The following MDGA1 variants were observed in gnomAD, a reference collection of about 807,000 sequenced individuals.
MDGA1 encodes the protein MAM domain-containing glycosylphosphatidylinositol anchor protein 1.
In MDGA1, 54 loss-of-function variants were observed where a neutral mutation model predicts 101.5. The observed-to-expected ratio is 0.53, with a 90% CI of 0.43 to 0.67. The LOEUF is 0.67. MDGA1 is among the 30% of genes least tolerant of loss of function. The pLI is 0.00. For missense variants in MDGA1, 1,083 were observed against 1,323.8 expected, an observed-to-expected ratio of 0.82 and a Z score of 2.82; for synonymous variants, 533 against 558.3, an observed-to-expected ratio of 0.95 and a Z score of 0.64.
chr6:37,645,205 G>T (rs1761162233), intron 12 of MDGA1, among the ~76,000 whole-genome samples: 1 of 152,166 alleles, frequency 6.6e-6, no homozygotes, highest in African/African-American at 2.4e-5. Flanking sequence ...TCATTGAAGG[G>T]GATGTTAAAT....
At chr6:37,685,846 G>GACCCCC (rs1762186059) in intron 1 of MDGA1, among the ~76,000 whole-genome samples, 3 of 152,222 alleles carry the variant, frequency 2.0e-5, no homozygotes, top group South Asian at 4.2e-4. Context: ...GAGCAGCCAG[G>GACCCCC]ACCCCCACCC....
At chr6:37,683,345 C>T (rs970242790) in intron 1 of MDGA1, among the ~76,000 whole-genome samples, 1 of 152,180 alleles carries the variant, frequency 6.6e-6, no homozygotes, top group Non-Finnish European at 1.5e-5. Context: ...GTACATGCAG[C>T]CCTGAACATG....
In MDGA1 at chr6:37,633,541, G is replaced by A. The variant is rs993682784; in HGVS notation, c.*3827C>T. The A allele has an allele frequency of 2.0e-5, 3 of 152,374 alleles. No individual in the cohort carries two copies. Among genetic ancestry groups the A allele is most frequent in the Non-Finnish European group, 4.4e-5 (3 of 68,140 alleles). The allele number at this position is 152,374 out of a possible 1,614,324, so 9.4% of individuals were successfully genotyped here. A position where few individuals can be genotyped will look rare whatever the true frequency, so the allele number is the denominator to read the frequency against. ...TCTTGTGAAGTCACAGGGGAGAGGA[G>A]GGGAAACAGGGTCTCTTCTGTCTGG... On this transcript the variant is annotated 3_prime_UTR_variant, in exon 17 of 17. Coordinates refer to ENST00000434837, the MANE Select transcript of MDGA1 (RefSeq NM_153487.4).
intron 2 of MDGA1, among the ~76,000 whole-genome samples, chr6:37,663,733 G>A (rs550896538): frequency 3.3e-5 from 5 of 152,290 alleles, no homozygotes; most frequent in African/African-American, 9.6e-5. Flanking sequence ...TTGAACAACC[G>A]GCATTCCATT....
intron 1 of MDGA1, among the ~76,000 whole-genome samples, chr6:37,682,210 C>T (rs1328182051): frequency 7.2e-5 from 11 of 152,190 alleles, no homozygotes; most frequent in Admixed American, 6.5e-4. Flanking sequence ...GTAGGCTGGG[C>T]GCAGTGGCTT....
At chr6:37,683,219 A>T (rs1284363795) in intron 1 of MDGA1, among the ~76,000 whole-genome samples, 2 of 152,200 alleles carry the variant, frequency 1.3e-5, no homozygotes, top group African/African-American at 4.8e-5. Context: ...TTCTATCAGG[A>T]GAGTCTTGGA....
intron 1 of MDGA1, among the ~76,000 whole-genome samples, chr6:37,679,089 CT>C (rs1449529103): frequency 3.3e-5 from 5 of 152,016 alleles, no homozygotes; most frequent in African/African-American, 9.7e-5. Flanking sequence ...TAAGTAGTCT[CT>C]TATTTTTTCT....
intron 12 of MDGA1, among the ~76,000 whole-genome samples, 159 bp downstream of exon 12, chr6:37,645,774 T>C (rs978058145): frequency 6.6e-6 from 1 of 152,144 alleles, no homozygotes; most frequent in African/African-American, 2.4e-5. Flanking sequence ...AGCCCAACCC[T>C]GCTTCTCCTT....
intron 1 of MDGA1, 83 bp from the exon 2 acceptor site, chr6:37,664,189 T>A: frequency 6.4e-7 from 1 of 1,550,534 alleles, no homozygotes; most frequent in Non-Finnish European, 8.8e-7. Context: ...TGAGTGTATC[T>A]GGGAGGGGTC....
chr6:37,692,249 TAC>T lies in MDGA1; in HGVS notation c.67+4494_67+4495del, dbSNP rs142247052. 1.3e-4 allele frequency among the ~76,000 whole-genome samples: 20 copies of T among 152,172 alleles called. No homozygotes were observed. The South Asian group carries it at 3.9e-3, about 30-fold the overall frequency. ...GCACAGGGCAGGGCCCGTAGGCAGT[TAC>T]ACACACACCCGATACCTGGGACCGT... On this transcript the variant is annotated intron_variant, in intron 1 of 16. Transcript: ENST00000434837.
At chr6:37,690,208 C>T (rs531444372) in intron 1 of MDGA1, among the ~76,000 whole-genome samples, 8 of 152,334 alleles carry the variant, frequency 5.3e-5, no homozygotes, top group East Asian at 1.9e-4. Flanking sequence ...CTCCCTAGGA[C>T]TCCCCTGGAC....
At position 37,696,935 on chromosome 6, in the gene MDGA1, G is replaced by C. The variant is rs1762434874; in HGVS notation, c.-124C>G. ...TTCCCTGAGAGGTGAGAGAGAGAGCGGCGACGAAGACCAGGAGACTGAAGA... is the reference window on the plus strand; with the variant it reads ...TTCCCTGAGAGGTGAGAGAGAGAGCCGCGACGAAGACCAGGAGACTGAAGA... On this transcript the variant is annotated 5_prime_UTR_variant, in exon 1 of 17. Coordinates refer to ENST00000434837, the MANE Select transcript of MDGA1 (RefSeq NM_153487.4). The surrounding 1 kb of genome is among the most constrained non-coding windows in gnomAD (Gnocchi z 5.6). The C allele has an allele frequency of 3.7e-6, 3 of 801,364 alleles. No individual in the cohort carries two copies. The highest frequency in any genetic ancestry group is 6.3e-6 in the Non-Finnish European group (3 of 478,392). 49.6% of individuals were successfully genotyped at this position (801,364 alleles called of 1,614,324 possible).
At chr6:37,667,944 T>G (rs1286968643) in intron 1 of MDGA1, among the ~76,000 whole-genome samples, 1 of 152,136 alleles carries the variant, frequency 6.6e-6, no homozygotes, top group Non-Finnish European at 1.5e-5. Context: ...ATATCAGAGA[T>G]GACACTGTTA....
chr6:37,696,684 C>T lies in MDGA1; in HGVS notation c.67+61G>A, dbSNP rs377029754. The stretch of plus-strand genomic sequence containing the variant: ...CCAAACCCCGGCAGCGCGCACTTTG[C>T]GCCTCTTGCAAAGTTTCCGCGCGAG... On this transcript the variant is annotated intron_variant, in intron 1 of 16. Coordinates refer to ENST00000434837, the MANE Select transcript of MDGA1 (RefSeq NM_153487.4). The surrounding 1 kb of genome is among the most constrained non-coding windows in gnomAD (Gnocchi z 5.6). 2 of 1,486,410 alleles carry T rather than the reference C, an allele frequency of 1.3e-6. No individual in the cohort carries two copies. The highest frequency in any genetic ancestry group is 1.2e-5 in the South Asian group (1 of 82,714). The allele number at this position is 1,486,410 out of a possible 1,614,324, so 92.1% of individuals were successfully genotyped here. A position where few individuals can be genotyped will look rare whatever the true frequency, so the allele number is the denominator to read the frequency against.
chr6:37,695,352 C>T (rs1020780186), intron 1 of MDGA1, among the ~76,000 whole-genome samples: 1 of 152,140 alleles, frequency 6.6e-6, no homozygotes, highest in Non-Finnish European at 1.5e-5. Flanking sequence ...GTGGCCTCCT[C>T]GCCCCAAACC....
intron 1 of MDGA1, among the ~76,000 whole-genome samples, chr6:37,675,997 T>C (rs1469607721): frequency 6.6e-6 from 1 of 152,168 alleles, no homozygotes; most frequent in African/African-American, 2.4e-5. Flanking sequence ...GCTTCCTAAC[T>C]AGAGAATGGA....
At chr6:37,662,876 A>T (rs1056280724) in intron 2 of MDGA1, among the ~76,000 whole-genome samples, 1 of 152,166 alleles carries the variant, frequency 6.6e-6, no homozygotes, top group Admixed American at 6.5e-5. Flanking sequence ...CAGAGGCCTC[A>T]CTGGCTTTTA....
intron 12 of MDGA1, 100 bp from the exon 13 acceptor site, chr6:37,644,749 A>G: frequency 8.1e-7 from 1 of 1,241,264 alleles, no homozygotes; most frequent in Middle Eastern, 2.1e-4. Context: ...CCATGCATCC[A>G]AGCAAGGCAC....
chr6:37,651,929 A>C, intron 7 of MDGA1, 82 bp downstream of exon 7: 1 of 1,230,262 alleles, frequency 8.1e-7, no homozygotes, highest in Non-Finnish European at 1.1e-6. Context: ...TCCCTTTCCC[A>C]AGCCGTTGCC....
Sources: gnomAD v4.1 joint callset for allele counts (sites outside exome capture counted in the v4.1 genomes callset) on GRCh38, gnomAD v4.1.1 for gene constraint, Gnocchi (gnomAD v3.1) non-coding constraint, MANE v1.5 for transcripts, NCBI Gene and HGNC (gene_info 2026-07-23, HGNC 2026-07-21) for gene names.